PLCB1: variants seen among roughly 807,000 people sequenced by gnomAD.
PLCB1 encodes phospholipase C beta 1, also known as 1-phosphatidylinositol 4,5-bisphosphate phosphodiesterase beta-1.
Under a neutral mutation model 161.8 loss-of-function variants are expected in PLCB1, and 46 were observed. That is an observed-to-expected ratio of 0.28 (90% CI 0.22 to 0.36). PLCB1 has a LOEUF of 0.36. PLCB1 is among the 10% of genes least tolerant of loss of function. The probability of loss-of-function intolerance (pLI) is 1.00; values close to 1 mark genes in which losing one functional copy is unlikely to be tolerated. For synonymous variants in PLCB1, 517 were observed against 503.7 expected (o/e 1.03, Z -0.35); for missense variants, 1,016 against 1,472.5 (o/e 0.69, Z 5.07).
intron 2 of PLCB1, among the ~76,000 whole-genome samples, chr20:8,272,137 G>A (rs1982316887): frequency 1.3e-5 from 2 of 151,946 alleles, no homozygotes; most frequent in African/African-American, 4.8e-5. Context: ...ATGGGTGGAG[G>A]GAAAGAAAAA....
chr20:8,649,347 C>G, intron 6 of PLCB1, 27 bp from the exon 7 acceptor site: 12 of 1,570,916 alleles, frequency 7.6e-6, no homozygotes, highest in Non-Finnish European at 1.1e-5. Context: ...ATTTAAACCT[C>G]TCTCCTTTGT....
At chr20:8,313,320 G>C (rs1013465368) in intron 2 of PLCB1, among the ~76,000 whole-genome samples, 1 of 152,112 alleles carries the variant, frequency 6.6e-6, no homozygotes, top group South Asian at 2.1e-4. Flanking sequence ...CAGCTGGCTG[G>C]TGTTTGAGAT....
At chr20:8,374,203 G>C (rs151149739) in intron 3 of PLCB1, among the ~76,000 whole-genome samples, 29 of 152,084 alleles carry the variant, frequency 1.9e-4, no homozygotes, top group Non-Finnish European at 3.2e-4. Flanking sequence ...TGCTGTTCTC[G>C]TGAAAGTGAG....
intron 3 of PLCB1, among the ~76,000 whole-genome samples, chr20:8,524,111 A>G (rs934862919): frequency 1.4e-5 from 2 of 144,642 alleles, no homozygotes; most frequent in Admixed American, 6.8e-5. Flanking sequence ...TTTCAATGCT[A>G]TGTATTAAAA....
chr20:8,290,316 C>T (rs1327372696), intron 2 of PLCB1, among the ~76,000 whole-genome samples: 3 of 152,060 alleles, frequency 2.0e-5, no homozygotes, highest in Admixed American at 6.6e-5. Flanking sequence ...TCTGGAAGGT[C>T]GTGCCAGGAA....
Position 8,727,303 on chromosome 20 carries a change from A to G in PLCB1, c.1679-6A>G. On this transcript the variant is annotated splice_polypyrimidine_tract_variant and splice_region_variant and intron_variant, in intron 16 of 31. Coordinates refer to ENST00000338037, the MANE Select transcript of PLCB1 (RefSeq NM_015192.4). The stretch of plus-strand genomic sequence containing the variant: ...CCCTTTTTTGTTTTGTTGTTGCTTA[A>G]CTCAGAAAGAAATAAAAGTTTTGAA... 6.5e-7 allele frequency: 1 copy of G among 1,537,944 alleles called. No individual in the cohort carries two copies. Among genetic ancestry groups the G allele is most frequent in the Non-Finnish European group, 9.0e-7 (1 of 1,114,910 alleles).
intron 3 of PLCB1, among the ~76,000 whole-genome samples, chr20:8,626,305 A>G (rs1256320059): frequency 6.6e-6 from 1 of 152,158 alleles, no homozygotes; most frequent in Non-Finnish European, 1.5e-5. Flanking sequence ...GCTCTTTTCC[A>G]GAATTGTTTT....
At chr20:8,433,181 G>C (rs1040606043) in intron 3 of PLCB1, among the ~76,000 whole-genome samples, 4 of 152,222 alleles carry the variant, frequency 2.6e-5, no homozygotes, top group African/African-American at 9.7e-5. Flanking sequence ...AGTTGATTAA[G>C]AGGAAAGCCT....
At chr20:8,743,683 C>A (rs1980999847) in intron 23 of PLCB1, among the ~76,000 whole-genome samples, 1 of 152,098 alleles carries the variant, frequency 6.6e-6, no homozygotes, top group South Asian at 2.1e-4. Flanking sequence ...AAGTAGCTTG[C>A]TGTTTTATAA....
intron 3 of PLCB1, among the ~76,000 whole-genome samples, chr20:8,377,146 T>C (rs1344798697): frequency 1.3e-5 from 2 of 152,020 alleles, no homozygotes; most frequent in Non-Finnish European, 2.9e-5. Flanking sequence ...TAAGTCCCAC[T>C]GAGAAGCATA....
At chr20:8,399,048 A>T (rs777475816) in intron 3 of PLCB1, among the ~76,000 whole-genome samples, 3 of 146,410 alleles carry the variant, frequency 2.0e-5, no homozygotes, top group Non-Finnish European at 3.0e-5. Flanking sequence ...GTCTTTATTC[A>T]TGCCTAGTTT....
intron 3 of PLCB1, among the ~76,000 whole-genome samples, chr20:8,472,061 T>C (rs1420513055): frequency 1.3e-5 from 2 of 152,210 alleles, no homozygotes. Context: ...AACTATTCCA[T>C]ATTCGTAATA....
chr20:8,271,773 A>G (rs1177749278), intron 2 of PLCB1, among the ~76,000 whole-genome samples: 4 of 152,148 alleles, frequency 2.6e-5, no homozygotes, highest in African/African-American at 9.6e-5. Context: ...ATATTCATGT[A>G]GGTGTATGGG....
chr20:8,178,427 G>T, intron 2 of PLCB1, among the ~76,000 whole-genome samples: 1 of 152,038 alleles, frequency 6.6e-6, no homozygotes, highest in East Asian at 1.9e-4. Context: ...TGTGCTTGTT[G>T]GTCATGTATT....
chr20:8,782,834 G>A (rs1272053461), intron 27 of PLCB1, among the ~76,000 whole-genome samples: 4 of 152,176 alleles, frequency 2.6e-5, no homozygotes, highest in South Asian at 2.1e-4. Context: ...GATGTGTTGA[G>A]CCCGAAATAT....
chr20:8,527,844 C>A (rs143133075), intron 3 of PLCB1, among the ~76,000 whole-genome samples: 80 of 152,048 alleles, frequency 5.3e-4, no homozygotes, highest in Middle Eastern at 3.4e-3. Flanking sequence ...CTAGCACAGA[C>A]CTTTGGGAAA....
At chr20:8,852,982 T>A (rs770627921) in intron 31 of PLCB1, among the ~76,000 whole-genome samples, 1 of 152,146 alleles carries the variant, frequency 6.6e-6, no homozygotes, top group African/African-American at 2.4e-5. Context: ...GGGACATGAG[T>A]GTCAGGCAGG....
At chr20:8,259,137 T>C (rs1162844831) in intron 2 of PLCB1, among the ~76,000 whole-genome samples, 1 of 152,228 alleles carries the variant, frequency 6.6e-6, no homozygotes, top group African/African-American at 2.4e-5. Flanking sequence ...TTTTATTGGA[T>C]GGATACTCAC....
chr20:8,727,013 A>C (rs550108083), intron 16 of PLCB1, among the ~76,000 whole-genome samples: 1 of 152,114 alleles, frequency 6.6e-6, no homozygotes, highest in Admixed American at 6.6e-5. Flanking sequence ...TCTTTTGACA[A>C]ATTTTTTTAT....
Sources: gnomAD v4.1 joint callset for allele counts (sites outside exome capture counted in the v4.1 genomes callset) on GRCh38, gnomAD v4.1.1 for gene constraint, MANE v1.5 for transcripts, NCBI Gene and HGNC (gene_info 2026-07-23, HGNC 2026-07-21) for gene names.